TANC1: variants seen among roughly 807,000 people sequenced by gnomAD.
TANC1 encodes tetratricopeptide repeat, ankyrin repeat and coiled-coil containing 1.
TANC1 carries 77 observed loss-of-function variants against 149.7 expected under a neutral mutation model. That is an observed-to-expected ratio of 0.51 (90% CI 0.43 to 0.62). TANC1 has a LOEUF of 0.62. TANC1 is among the 20% of genes least tolerant of loss of function. The pLI, the probability that TANC1 is intolerant of heterozygous loss-of-function variation, is 0.00. For synonymous variants in TANC1, 854 were observed against 925.0 expected (o/e 0.92, Z 1.39); for missense variants, 1,985 against 2,321.8 (o/e 0.85, Z 2.98).
At chr2:159,080,878 A>G (rs1233428464) in intron 3 of TANC1, among the ~76,000 whole-genome samples, 1 of 152,128 alleles carries the variant, frequency 6.6e-6, no homozygotes, top group Admixed American at 6.5e-5. Flanking sequence ...ACGGCCTCCC[A>G]ACTCCTGACC....
intron 16 of TANC1, among the ~76,000 whole-genome samples, chr2:159,192,710 C>A (rs1479869106): frequency 6.6e-6 from 1 of 152,242 alleles, no homozygotes; most frequent in East Asian, 1.9e-4. Context: ...AGTGCAGTGA[C>A]GTAATCTTGG....
intron 2 of TANC1, among the ~76,000 whole-genome samples, chr2:159,061,546 C>T (rs975315061): frequency 6.6e-6 from 1 of 152,232 alleles, no homozygotes; most frequent in East Asian, 1.9e-4. Context: ...CATGCTTCTA[C>T]GTGGCTGTCC....
intron 2 of TANC1, among the ~76,000 whole-genome samples, chr2:159,003,822 C>G (rs904733211): frequency 3.9e-5 from 6 of 152,192 alleles, no homozygotes; most frequent in Non-Finnish European, 8.8e-5. Context: ...GAGGACCCTC[C>G]CTGCTTCAGA....
intron 2 of TANC1, among the ~76,000 whole-genome samples, chr2:159,013,785 T>C (rs2038001040): frequency 1.3e-5 from 2 of 152,202 alleles, no homozygotes; most frequent in African/African-American, 4.8e-5. Flanking sequence ...TATAACCAGG[T>C]ACCAGAAAGT....
intron 3 of TANC1, among the ~76,000 whole-genome samples, chr2:159,073,092 A>G (rs2043300966): frequency 1.3e-5 from 2 of 152,218 alleles, no homozygotes; most frequent in African/African-American, 4.8e-5. Flanking sequence ...CCTTGCTTAA[A>G]GGGATTTCGG....
At chr2:159,208,709 G>A (rs1257189243) in intron 19 of TANC1, among the ~76,000 whole-genome samples, 2 of 152,218 alleles carry the variant, frequency 1.3e-5, no homozygotes, top group East Asian at 3.9e-4. Flanking sequence ...GCCATTGGGA[G>A]ATCTGGCCCT....
chr2:159,066,063 G>T, intron 3 of TANC1, 92 bp downstream of exon 3: 1 of 928,596 alleles, frequency 1.1e-6, no homozygotes, highest in Non-Finnish European at 1.8e-6. Context: ...CTTTGGGAGT[G>T]GGTCAGAGAG....
chr2:159,005,119 G>A (rs2037028691), intron 2 of TANC1, among the ~76,000 whole-genome samples: 1 of 152,146 alleles, frequency 6.6e-6, no homozygotes, highest in Non-Finnish European at 1.5e-5. Context: ...CCCTGGGTGG[G>A]CCAGTTGTTC....
chr2:159,202,366 T>C (rs1559450690), intron 19 of TANC1, among the ~76,000 whole-genome samples: 1 of 152,224 alleles, frequency 6.6e-6, no homozygotes, highest in South Asian at 2.1e-4. Flanking sequence ...GTATTTAGTT[T>C]AGGGTTTAGG....
Position 159,150,351 on chromosome 2 carries a change from C to T in TANC1, c.496-19C>T. 6.2e-7 allele frequency: 1 copy of T among 1,610,052 alleles called. No individual in the cohort carries two copies. On this transcript the variant is annotated intron_variant, in intron 6 of 26. Transcript: ENST00000263635. Reference sequence around the variant, plus strand: ...TCCTGTGTAAGCCGTGCTAACTCCTCCTTCCATTCATCTTGCAGTGCACAG... The same window carrying T: ...TCCTGTGTAAGCCGTGCTAACTCCTTCTTCCATTCATCTTGCAGTGCACAG...
At chr2:159,209,959 G>A (rs1040426942) in intron 19 of TANC1, among the ~76,000 whole-genome samples, 27 of 152,134 alleles carry the variant, frequency 1.8e-4, no homozygotes, top group African/African-American at 6.5e-4. Flanking sequence ...AAATATGGGA[G>A]AGGCCAGGAT....
chr2:159,059,441 C>T (rs1369219186), intron 2 of TANC1, among the ~76,000 whole-genome samples: 1 of 151,668 alleles, frequency 6.6e-6, no homozygotes, highest in Non-Finnish European at 1.5e-5. Flanking sequence ...GACAAGACTG[C>T]AGTGAACTGT....
chr2:159,042,809 C>A (rs571867398), intron 2 of TANC1, among the ~76,000 whole-genome samples: 1 of 151,922 alleles, frequency 6.6e-6, no homozygotes, highest in African/African-American at 2.4e-5. Flanking sequence ...TGGTGAATTT[C>A]GTAGAAACCT....
chr2:159,222,380 T>G (rs1182784174), intron 22 of TANC1, among the ~76,000 whole-genome samples: 1 of 152,230 alleles, frequency 6.6e-6, no homozygotes, highest in African/African-American at 2.4e-5. Context: ...GAAACTGTAT[T>G]TGTTAAACAA....
intron 14 of TANC1, among the ~76,000 whole-genome samples, chr2:159,181,451 C>T (rs982484682): frequency 3.3e-5 from 5 of 152,182 alleles, no homozygotes; most frequent in Admixed American, 6.5e-5. Context: ...GCGCCCGCCA[C>T]CTCATCCGGC....
chr2:159,150,628 C>T (rs2052686946), intron 7 of TANC1, 72 bp downstream of exon 7: 6 of 1,254,100 alleles, frequency 4.8e-6, no homozygotes, highest in Non-Finnish European at 5.8e-6. Flanking sequence ...GGCACTTCCT[C>T]AGAGGGTTTT....
chr2:159,192,060 GT>G (rs1228923958), intron 16 of TANC1, among the ~76,000 whole-genome samples: 3 of 152,120 alleles, frequency 2.0e-5, no homozygotes, highest in Non-Finnish European at 2.9e-5. Context: ...ATTTGCGTAT[GT>G]TCAGTAATTT....
At chr2:159,226,925 A>G (rs1325503776) in intron 24 of TANC1, 2 of 152,204 alleles carry the variant, frequency 1.3e-5, no homozygotes, top group East Asian at 3.8e-4. Flanking sequence ...CCTGGTTTAG[A>G]TAGATATGCA....
At chr2:159,038,763 T>C (rs1168268448) in intron 2 of TANC1, among the ~76,000 whole-genome samples, 3 of 152,218 alleles carry the variant, frequency 2.0e-5, no homozygotes, top group South Asian at 2.1e-4. Flanking sequence ...CAGTATTTCA[T>C]TGAGGATTTT....
Sources: gnomAD v4.1 joint callset for allele counts (sites outside exome capture counted in the v4.1 genomes callset) on GRCh38, gnomAD v4.1.1 for gene constraint, MANE v1.5 for transcripts, NCBI Gene and HGNC (gene_info 2026-07-23, HGNC 2026-07-21) for gene names.